HSDL2: variants seen among roughly 807,000 people sequenced by gnomAD.
The protein encoded by HSDL2 is hydroxysteroid dehydrogenase-like protein 2.
Under a neutral mutation model 46.3 loss-of-function variants are expected in HSDL2, and 27 were observed. The ratio of observed to expected loss-of-function variants is 0.58; its 90% CI spans 0.43 to 0.80. The LOEUF is 0.80. Ranked by LOEUF, HSDL2 falls within the 30% of genes least tolerant of loss-of-function variation. HSDL2 has a pLI of 0.00. For synonymous variants in HSDL2, 153 were observed against 163.6 expected, an observed-to-expected ratio of 0.94 and a Z score of 0.50; for missense variants, 451 against 502.7, an observed-to-expected ratio of 0.90 and a Z score of 0.98.
At chr9:112,456,975 C>A (rs1281761289) in intron 9 of HSDL2, among the ~76,000 whole-genome samples, 1 of 152,112 alleles carries the variant, frequency 6.6e-6, no homozygotes, top group Non-Finnish European at 1.5e-5. Context: ...GGCAAAACCT[C>A]ATCTCTACTA....
chr9:112,460,120 T>G (rs1833158670), intron 10 of HSDL2, among the ~76,000 whole-genome samples: 1 of 152,226 alleles, frequency 6.6e-6, no homozygotes, highest in African/African-American at 2.4e-5. Flanking sequence ...GATAATTTTC[T>G]CTTTTCTACT....
chr9:112,406,166 GA>G (rs201966255), intron 3 of HSDL2, among the ~76,000 whole-genome samples: 19,817 of 117,082 alleles, frequency 0.17, 1,533 homozygotes, highest in East Asian at 0.24. Flanking sequence ...GTCTCAAAAA[GA>G]AAAAAAAAAA....
chr9:112,395,336 G>T (rs1831432332), intron 1 of HSDL2, among the ~76,000 whole-genome samples: 4 of 152,194 alleles, frequency 2.6e-5, no homozygotes, highest in Admixed American at 2.6e-4. Context: ...TGCATACGAA[G>T]TTTAAGTCTT....
Position 112,454,038 on chromosome 9 carries a change from G to C in HSDL2, c.891G>C (p.Glu297Asp). The C allele has an allele frequency of 1.2e-6, 2 of 1,613,900 alleles. No homozygotes were observed. The highest frequency in any genetic ancestry group is 8.5e-7 in the Non-Finnish European group (1 of 1,179,924). ...STGAVPEFKEEKLQLQPKPRS... is the reference protein window; with the variant it reads ...STGAVPEFKEDKLQLQPKPRS... ...GTGCTGTTCCAGAATTCAAAGAAGA[G>C]AAACTGCAGCTGCAACCAAAACCAC... The change falls in exon 9 of 11, where the codon GAG becomes GAC. Residue 297 changes from glutamate to aspartate, a missense_variant. Physicochemically the swap from Glu to Asp is conservative, Grantham distance 45. Transcript: ENST00000398805.
At chr9:112,406,897 G>A (rs1234224986) in intron 3 of HSDL2, among the ~76,000 whole-genome samples, 1 of 152,110 alleles carries the variant, frequency 6.6e-6, no homozygotes. Flanking sequence ...AGGCTTTCAT[G>A]GTATTATAGT....
chr9:112,408,567 T>TAG (rs1831786866), intron 3 of HSDL2, among the ~76,000 whole-genome samples: 3 of 152,178 alleles, frequency 2.0e-5, no homozygotes, highest in Non-Finnish European at 4.4e-5. Flanking sequence ...TACACAAACA[T>TAG]AGATAGTCTA....
Position 112,470,684 on chromosome 9 carries a change from A to G in HSDL2, c.*140A>G, listed in dbSNP as rs1564139626. 1.9e-6 allele frequency: 1 copy of G among 525,362 alleles called. No individual in the cohort carries two copies. The highest frequency in any genetic ancestry group is 3.3e-6 in the Non-Finnish European group (1 of 299,196). The allele number at this position is 525,362 out of a possible 1,614,324, so 32.5% of individuals were successfully genotyped here. A position where few individuals can be genotyped will look rare whatever the true frequency, so the allele number is the denominator to read the frequency against. ...TCTGGAAAAGATAGAATTTGTCTCTAAAAGACTTGAAATTGTAATTAAAAT... is the reference window on the plus strand; with the variant it reads ...TCTGGAAAAGATAGAATTTGTCTCTGAAAGACTTGAAATTGTAATTAAAAT... On this transcript the variant is annotated 3_prime_UTR_variant, in exon 11 of 11. Transcript: ENST00000398805.
intron 4 of HSDL2, among the ~76,000 whole-genome samples, chr9:112,416,142 G>A (rs1831985869): frequency 6.6e-6 from 1 of 151,066 alleles, no homozygotes; most frequent in African/African-American, 2.4e-5. Context: ...CGGCATGATG[G>A]CTCACACTTG....
At chr9:112,389,817 C>T (rs1334111845) in intron 1 of HSDL2, among the ~76,000 whole-genome samples, 1 of 152,166 alleles carries the variant, frequency 6.6e-6, no homozygotes. Flanking sequence ...GTAATCCCAG[C>T]ACTTTGGGAA....
intron 9 of HSDL2, among the ~76,000 whole-genome samples, chr9:112,457,364 G>C (rs1483432795): frequency 6.6e-6 from 1 of 152,142 alleles, no homozygotes; most frequent in Non-Finnish European, 1.5e-5. Flanking sequence ...GTGCTGGTTT[G>C]AGCTGTATTA....
intron 8 of HSDL2, among the ~76,000 whole-genome samples, chr9:112,447,527 A>G (rs922597073): frequency 3.9e-5 from 6 of 152,200 alleles, no homozygotes; most frequent in African/African-American, 1.2e-4. Context: ...TTTATGTGAC[A>G]GACTCAGTTC....
At chr9:112,454,490 G>C (rs1403593533) in intron 9 of HSDL2, among the ~76,000 whole-genome samples, 1 of 151,926 alleles carries the variant, frequency 6.6e-6, no homozygotes, top group African/African-American at 2.4e-5. Context: ...AGTGCGTACG[G>C]ACACATGTAA....
At chr9:112,381,501 G>A (rs941946188) in intron 1 of HSDL2, among the ~76,000 whole-genome samples, 1 of 152,080 alleles carries the variant, frequency 6.6e-6, no homozygotes, top group East Asian at 1.9e-4. Context: ...CTTCAGGCGC[G>A]TGCCACCACG....
chr9:112,421,263 G>A (rs1216674701), intron 6 of HSDL2, among the ~76,000 whole-genome samples: 2 of 152,138 alleles, frequency 1.3e-5, no homozygotes. Flanking sequence ...GGAGATTAAG[G>A]CTGTAGTGAG....
rs574348861 is a variant in HSDL2 at position 112,397,225 on chromosome 9, A to G, written c.18-6770A>G. On this transcript the variant is annotated intron_variant, in intron 1 of 10. Transcript: ENST00000398805. ...CGAGCCGGTTTGATTGCCGTCCTTC[A>G]TAGCCCGTGCCCACAGAATAGCTTT... 5.2e-3 allele frequency among the ~76,000 whole-genome samples: 788 copies of G among 152,302 alleles called. 9 individuals are homozygous for G. The highest frequency in any genetic ancestry group is 0.018 in the African/African-American group (743 of 41,566).
intron 1 of HSDL2, 34 bp downstream of exon 1, chr9:112,380,214 T>G: frequency 3.9e-6 from 6 of 1,537,028 alleles, no homozygotes; most frequent in Non-Finnish European, 5.3e-6. Context: ...GGAGAGACCC[T>G]GTCGGGCGAA....
chr9:112,418,310 C>T (rs982699127), intron 5 of HSDL2, among the ~76,000 whole-genome samples: 4 of 150,968 alleles, frequency 2.6e-5, no homozygotes, highest in African/African-American at 7.3e-5. Flanking sequence ...AGGCTGGGTA[C>T]GGTGGCTCGT....
chr9:112,430,649 G>C (rs192514273), intron 6 of HSDL2, among the ~76,000 whole-genome samples: 14 of 152,322 alleles, frequency 9.2e-5, no homozygotes, highest in Non-Finnish European at 2.1e-4. Context: ...CAGCAGTAAA[G>C]GTGGTGGACA....
intron 8 of HSDL2, among the ~76,000 whole-genome samples, chr9:112,450,138 G>A (rs1167055511): frequency 6.6e-6 from 1 of 151,882 alleles, no homozygotes; most frequent in Admixed American, 6.6e-5. Context: ...GTATAGAAAA[G>A]CTTAGTACGG....
Sources: gnomAD v4.1 joint callset for allele counts (sites outside exome capture counted in the v4.1 genomes callset) on GRCh38, gnomAD v4.1.1 for gene constraint, MANE v1.5 for transcripts, NCBI Gene and HGNC (gene_info 2026-07-23, HGNC 2026-07-21) for gene names.